GPC5: variants seen among roughly 807,000 people sequenced by gnomAD.
GPC5 encodes glypican-5.
A neutral mutation model predicts 53.9 loss-of-function variants in GPC5; 47 were observed. The observed-to-expected ratio is 0.87, with a 90% CI of 0.69 to 1.11. GPC5 has a LOEUF of 1.11. Ranked by LOEUF, GPC5 falls within the 50% of genes most tolerant of loss-of-function variation. GPC5 has a pLI of 0.00. For synonymous variants in GPC5, 286 were observed against 263.3 expected, an observed-to-expected ratio of 1.09 and a Z score of -0.84; for missense variants, 748 against 713.1, an observed-to-expected ratio of 1.05 and a Z score of -0.56.
intron 7 of GPC5, among the ~76,000 whole-genome samples, chr13:92,605,821 A>AT (rs200115756): frequency 1.1e-4 from 17 of 151,060 alleles, no homozygotes; most frequent in East Asian, 5.8e-4. Flanking sequence ...GTTTGCCTGG[A>AT]TTTTTTTTTA....
At chr13:91,878,273 T>A (rs1280061463) in intron 5 of GPC5, among the ~76,000 whole-genome samples, 1 of 152,192 alleles carries the variant, frequency 6.6e-6, no homozygotes, top group Non-Finnish European at 1.5e-5. Context: ...ATTTTCAATA[T>A]TTTTTATTTG....
chr13:91,881,590 A>G (rs141434237), intron 5 of GPC5, among the ~76,000 whole-genome samples: 1 of 152,228 alleles, frequency 6.6e-6, no homozygotes, highest in East Asian at 1.9e-4. Context: ...TTATACATCT[A>G]TCTATCTACC....
chr13:92,095,173 G>A (rs1159875671), intron 6 of GPC5, among the ~76,000 whole-genome samples: 4 of 152,084 alleles, frequency 2.6e-5, no homozygotes, highest in Non-Finnish European at 5.9e-5. Flanking sequence ...ATAAGATAGA[G>A]GCAAGGAATA....
chr13:92,221,476 A>G (rs1431173732), intron 7 of GPC5, among the ~76,000 whole-genome samples: 1 of 152,112 alleles, frequency 6.6e-6, no homozygotes, highest in Non-Finnish European at 1.5e-5. Flanking sequence ...TAGGAATTGT[A>G]GAGATGAAAG....
At position 92,401,941 on chromosome 13, in the gene GPC5, G is replaced by A. The variant is rs1335060307; in HGVS notation, c.1561+256952G>A. Among the ~76,000 whole-genome samples, 3 of 152,206 alleles carry A rather than the reference G, an allele frequency of 2.0e-5. No individual in the cohort carries two copies. The East Asian group carries it at 5.8e-4, about 29-fold the overall frequency. The stretch of plus-strand genomic sequence containing the variant: ...TAGTTTACAATGGCAAGCTTCCTAG[G>A]TTTGTAGGAAGAATAATTTGAATGC... On this transcript the variant is annotated intron_variant, in intron 7 of 7. Coordinates refer to ENST00000377067, the MANE Select transcript of GPC5 (RefSeq NM_004466.6).
At chr13:92,800,275 G>A (rs1381100083) in intron 7 of GPC5, among the ~76,000 whole-genome samples, 1 of 151,786 alleles carries the variant, frequency 6.6e-6, no homozygotes, top group African/African-American at 2.4e-5. Flanking sequence ...ATCCCAAGAT[G>A]GGCATAACAT....
chr13:91,787,678 T>C (rs946542690), intron 5 of GPC5, among the ~76,000 whole-genome samples: 2 of 152,166 alleles, frequency 1.3e-5, no homozygotes, highest in Non-Finnish European at 2.9e-5. Flanking sequence ...CATCATCTCA[T>C]CCAGCAATTC....
chr13:92,859,928 G>T (rs1045389340), intron 7 of GPC5, among the ~76,000 whole-genome samples: 3 of 151,964 alleles, frequency 2.0e-5, no homozygotes, highest in Non-Finnish European at 4.4e-5. Context: ...ACTGTCAAAA[G>T]ATCTAAACAA....
At chr13:92,754,633 A>T (rs1029959971) in intron 7 of GPC5, among the ~76,000 whole-genome samples, 33 of 151,608 alleles carry the variant, frequency 2.2e-4, no homozygotes, top group African/African-American at 7.7e-4. Flanking sequence ...GGATGGAGGA[A>T]GATCTACCAA....
intron 6 of GPC5, among the ~76,000 whole-genome samples, chr13:92,130,747 C>T (rs1287740715): frequency 6.6e-6 from 1 of 151,652 alleles, no homozygotes; most frequent in Non-Finnish European, 1.5e-5. Flanking sequence ...GTGGGAGTAG[C>T]CAAATAGTGT....
At chr13:92,043,110 A>G (rs1594740656) in intron 6 of GPC5, among the ~76,000 whole-genome samples, 1 of 152,326 alleles carries the variant, frequency 6.6e-6, no homozygotes, top group East Asian at 1.9e-4. Context: ...AATGAACAGA[A>G]TATCGAAGAC....
Position 92,159,593 on chromosome 13 carries a change from C to CTTTTTTTTTT in GPC5, c.1561+14622_1561+14631dup, listed in dbSNP as rs71120074. Among the ~76,000 whole-genome samples, 104 of 57,212 alleles carry CTTTTTTTTTT rather than the reference C, an allele frequency of 1.8e-3. 11 individuals are homozygous for CTTTTTTTTTT. The highest frequency in any genetic ancestry group is 2.2e-3 in the Non-Finnish European group (66 of 30,050). The allele number at this position is 57,212 out of a possible 152,430, so 37.5% of individuals were successfully genotyped here. On this transcript the variant is annotated intron_variant, in intron 7 of 7. Transcript: ENST00000377067. ...CTATGTAATCACTAATACCAATGTT[C>CTTTTTTTTTT]TTTTTTTTTTTTTTTTTTTTTTTTT... is the stretch of plus-strand genomic sequence containing the variant.
intron 5 of GPC5, among the ~76,000 whole-genome samples, chr13:91,873,568 T>C (rs1004109557): frequency 6.6e-6 from 1 of 152,294 alleles, no homozygotes; most frequent in East Asian, 1.9e-4. Context: ...TCGGCCGCCA[T>C]GTGAGACATG....
intron 2 of GPC5, among the ~76,000 whole-genome samples, chr13:91,556,290 T>TG (rs2030943939): frequency 6.6e-6 from 1 of 151,994 alleles, no homozygotes; most frequent in African/African-American, 2.4e-5. Context: ...ATAGTTTTTT[T>TG]GGGTGCCATT....
intron 7 of GPC5, among the ~76,000 whole-genome samples, chr13:92,825,449 A>T (rs1316392484): frequency 6.6e-6 from 1 of 152,132 alleles, no homozygotes; most frequent in East Asian, 1.9e-4. Context: ...TATTAATTCA[A>T]TTCCCATTAT....
chr13:92,402,272 A>G (rs1010720014), intron 7 of GPC5, among the ~76,000 whole-genome samples: 1 of 152,198 alleles, frequency 6.6e-6, no homozygotes, highest in East Asian at 1.9e-4. Flanking sequence ...CAAAATCACA[A>G]AATAGCGTGT....
intron 7 of GPC5, among the ~76,000 whole-genome samples, chr13:92,152,598 G>T (rs753124076): frequency 4.1e-4 from 63 of 152,138 alleles, no homozygotes; most frequent in Non-Finnish European, 7.8e-4. Flanking sequence ...AATTAGCCGG[G>T]TGTCGTGGCG....
At chr13:91,521,506 C>T (rs188689958) in intron 2 of GPC5, among the ~76,000 whole-genome samples, 4 of 152,300 alleles carry the variant, frequency 2.6e-5, no homozygotes, top group African/African-American at 4.8e-5. Context: ...TTAAATTTTT[C>T]ACTTCCTGTC....
chr13:92,573,565 A>C (rs1216376833), intron 7 of GPC5, among the ~76,000 whole-genome samples: 1 of 151,982 alleles, frequency 6.6e-6, no homozygotes, highest in South Asian at 2.1e-4. Context: ...AATGGGATGG[A>C]TTCCTTTCTC....
Sources: gnomAD v4.1 joint callset for allele counts (sites outside exome capture counted in the v4.1 genomes callset) on GRCh38, gnomAD v4.1.1 for gene constraint, MANE v1.5 for transcripts, NCBI Gene and HGNC (gene_info 2026-07-23, HGNC 2026-07-21) for gene names.